Variants in RAB3C observed in about 807,000 individuals in gnomAD.
The protein encoded by RAB3C is RAB3C, member RAS oncogene family.
A neutral mutation model predicts 26.4 loss-of-function variants in RAB3C; 17 were observed. The observed-to-expected ratio is 0.64, with a 90% confidence interval of 0.44 to 0.97. The LOEUF is 0.97. Among genes scored for constraint, RAB3C ranks in the 50% least tolerant of loss-of-function variants. The pLI, the probability that RAB3C is intolerant of heterozygous loss-of-function variation, is 0.00. For synonymous variants in RAB3C, 91 were observed against 95.9 expected (o/e 0.95, Z 0.30); for missense variants, 242 against 281.9 (o/e 0.86, Z 1.01).
chr5:58,700,968 T>A (rs1016719097), intron 2 of RAB3C, among the ~76,000 whole-genome samples: 2 of 150,340 alleles, frequency 1.3e-5, no homozygotes, highest in East Asian at 3.9e-4. Context: ...AGCTTAAAAA[T>A]CTTTTATTTA....
rs547578145 is a variant in RAB3C, at chr5:58,611,358, G to A, written c.25-6285G>A. ...TTACACTCCTACCGACAGTATATAA[G>A]CATTCCTTTTTCTCTGCAGCCTTGC... On this transcript the variant is annotated intron_variant, in intron 1 of 4. Coordinates refer to ENST00000282878, the MANE Select transcript of RAB3C (RefSeq NM_138453.4). Among the ~76,000 whole-genome samples, 32 of 152,184 alleles carry A rather than the reference G, an allele frequency of 2.1e-4. No individual in the cohort carries two copies. The South Asian group carries it at 5.4e-3, about 26-fold the overall frequency.
chr5:58,813,515 G>C (rs1034556641), intron 3 of RAB3C, among the ~76,000 whole-genome samples: 1 of 150,192 alleles, frequency 6.7e-6, no homozygotes, highest in Non-Finnish European at 1.5e-5. Flanking sequence ...TCATAGACAG[G>C]TTGCCTAGTC....
chr5:58,720,589 A>G (rs1316990595), intron 2 of RAB3C, among the ~76,000 whole-genome samples: 1 of 151,820 alleles, frequency 6.6e-6, no homozygotes, highest in Admixed American at 6.6e-5. Flanking sequence ...CTTGGATTAC[A>G]CTGTTCCCAG....
chr5:58,814,327 A>G (rs1042300036), intron 3 of RAB3C, among the ~76,000 whole-genome samples: 1 of 152,124 alleles, frequency 6.6e-6, no homozygotes, highest in Non-Finnish European at 1.5e-5. Context: ...TCCTGTCTTA[A>G]TATCTCACAA....
At chr5:58,812,862 A>G (rs927550198) in intron 3 of RAB3C, among the ~76,000 whole-genome samples, 2 of 152,078 alleles carry the variant, frequency 1.3e-5, no homozygotes, top group African/African-American at 4.8e-5. Flanking sequence ...TTCCATGAAC[A>G]TTTTTCATTT....
intron 3 of RAB3C, among the ~76,000 whole-genome samples, chr5:58,760,108 A>G (rs908918733): frequency 4.6e-5 from 7 of 152,138 alleles, no homozygotes; most frequent in Non-Finnish European, 1.0e-4. Context: ...CCCTCCCACT[A>G]AGGGACCATT....
intron 2 of RAB3C, among the ~76,000 whole-genome samples, chr5:58,654,230 A>G (rs1396262874): frequency 1.3e-5 from 2 of 152,178 alleles, no homozygotes; most frequent in African/African-American, 4.8e-5. Flanking sequence ...GTAATGAAGT[A>G]TTGCTTGGAG....
intron 3 of RAB3C, among the ~76,000 whole-genome samples, chr5:58,824,759 A>C (rs1171428012): frequency 1.3e-5 from 2 of 152,156 alleles, no homozygotes; most frequent in Non-Finnish European, 2.9e-5. Flanking sequence ...GGTGGGGTAA[A>C]AGAGGAAAGG....
At chr5:58,726,346 G>A (rs1284751068) in intron 3 of RAB3C, among the ~76,000 whole-genome samples, 1 of 151,912 alleles carries the variant, frequency 6.6e-6, no homozygotes, top group African/African-American at 2.4e-5. Flanking sequence ...GTTCATTCCA[G>A]TGCTTTGCAT....
At chr5:58,830,320 T>G (rs1450120910) in intron 4 of RAB3C, among the ~76,000 whole-genome samples, 1 of 152,146 alleles carries the variant, frequency 6.6e-6, no homozygotes, top group East Asian at 1.9e-4. Context: ...GCGGGACATA[T>G]AATTACTTCC....
chr5:58,729,484 A>G (rs910150172), intron 3 of RAB3C, among the ~76,000 whole-genome samples: 9 of 151,842 alleles, frequency 5.9e-5, no homozygotes, highest in African/African-American at 9.7e-5. Flanking sequence ...AGTAGCTCAT[A>G]TAAGTGGAAT....
chr5:58,625,106 G>A (rs541470673), intron 2 of RAB3C, among the ~76,000 whole-genome samples: 2 of 152,260 alleles, frequency 1.3e-5, no homozygotes, highest in South Asian at 4.2e-4. Flanking sequence ...TTTAAGTATG[G>A]ACCACCTAGC....
chr5:58,700,084 T>G (rs182940233), intron 2 of RAB3C, among the ~76,000 whole-genome samples: 3 of 152,330 alleles, frequency 2.0e-5, no homozygotes, highest in East Asian at 3.9e-4. Flanking sequence ...CTGTTCCTAT[T>G]CAGTTATCTT....
At chr5:58,721,430 A>T (rs1740758956) in intron 2 of RAB3C, among the ~76,000 whole-genome samples, 1 of 151,770 alleles carries the variant, frequency 6.6e-6, no homozygotes, top group Non-Finnish European at 1.5e-5. Flanking sequence ...TCAGCTAGGG[A>T]GAGGAACAAC....
At chr5:58,682,866 C>T (rs1467961127) in intron 2 of RAB3C, among the ~76,000 whole-genome samples, 9 of 152,126 alleles carry the variant, frequency 5.9e-5, no homozygotes, top group Non-Finnish European at 1.0e-4. Context: ...TGGGGATTTA[C>T]TCAACATGTT....
In RAB3C at chr5:58,693,347, T is replaced by TATATATATATATATATATATAC. The variant is rs1173401450; in HGVS notation, c.253-32640_253-32639insTATATACATATATATATATATA. On this transcript the variant is annotated intron_variant, in intron 2 of 4. Transcript: ENST00000282878. ...TTATATATATATGTGTATATATATA[T>TATATATATATATATATATATAC]ATATATATATATATAAAATTTCTTA... 3.8e-3 allele frequency among the ~76,000 whole-genome samples: 522 copies of TATATATATATATATATATATAC among 137,798 alleles called. 15 individuals carry two copies. The highest frequency in any genetic ancestry group is 0.015 in the African/African-American group (499 of 33,676). The allele number at this position is 137,798 out of a possible 152,430, so 90.4% of individuals were successfully genotyped here. A position where few individuals can be genotyped will look rare whatever the true frequency, so the allele number is the denominator to read the frequency against.
chr5:58,698,116 C>T (rs1470331428), intron 2 of RAB3C, among the ~76,000 whole-genome samples: 1 of 152,092 alleles, frequency 6.6e-6, no homozygotes, highest in Non-Finnish European at 1.5e-5. Context: ...GTAAGTCAGG[C>T]CTGTTGGTGA....
chr5:58,777,685 T>G (rs997204575), intron 3 of RAB3C, among the ~76,000 whole-genome samples: 6 of 151,512 alleles, frequency 4.0e-5, no homozygotes, highest in African/African-American at 1.5e-4. Context: ...CATGTTGGTG[T>G]GCTGTACCCA....
At chr5:58,805,210 T>C (rs1742909059) in intron 3 of RAB3C, among the ~76,000 whole-genome samples, 1 of 151,942 alleles carries the variant, frequency 6.6e-6, no homozygotes, top group African/African-American at 2.4e-5. Flanking sequence ...AACTCAGAAA[T>C]TTAAAAAAAT....
Sources: gnomAD v4.1 joint callset for allele counts (sites outside exome capture counted in the v4.1 genomes callset) on GRCh38, gnomAD v4.1.1 for gene constraint, MANE v1.5 for transcripts, NCBI Gene and HGNC (gene_info 2026-07-23, HGNC 2026-07-21) for gene names.